The following NSD2 variants were observed in gnomAD, a reference collection of about 807,000 sequenced individuals.
The protein encoded by NSD2 is histone-lysine N-methyltransferase NSD2.
In NSD2, 12 loss-of-function variants were observed where a neutral mutation model predicts 139.0. That is an observed-to-expected ratio of 0.09 (90% CI 0.06 to 0.14). The LOEUF (loss-of-function observed/expected upper bound fraction) is 0.14, where lower values mean the gene tolerates loss of function less well. Among genes scored for constraint, NSD2 ranks in the 10% least tolerant of loss-of-function variants. The pLI is 1.00. For missense variants in NSD2, 1,155 were observed against 1,745.0 expected (o/e 0.66, Z 6.02); for synonymous variants, 669 against 648.7 (o/e 1.03, Z -0.48).
chr4:1,965,863 T>A (rs1228056842), intron 18 of NSD2, among the ~76,000 whole-genome samples: 1 of 152,220 alleles, frequency 6.6e-6, no homozygotes, highest in African/African-American at 2.4e-5. Context: ...TGAGATGGCA[T>A]GGAGGAAACC....
At position 1,940,295 on chromosome 4, in the gene NSD2, C is replaced by T. The variant is rs954913386; in HGVS notation, c.1881+517C>T. On this transcript the variant is annotated intron_variant, in intron 9 of 21. Transcript: ENST00000508803. ...GGCTTTGGTCCTTTAAATTCTGGCACATTTTTAGTTACTTGAGTGTTGAGG... is the reference window on the plus strand; with the variant it reads ...GGCTTTGGTCCTTTAAATTCTGGCATATTTTTAGTTACTTGAGTGTTGAGG... 5.6e-6 allele frequency: 6 copies of T among 1,072,920 alleles called. No homozygotes were observed. The African/African-American group carries it at 8.2e-5, about 15-fold the overall frequency. 66.5% of individuals were successfully genotyped at this position (1,072,920 alleles called of 1,614,324 possible). A position where few individuals can be genotyped will look rare whatever the true frequency, so the allele number is the denominator to read the frequency against.
rs1182659553 is a variant in NSD2 at position 1,958,389 on chromosome 4, G to A, written c.2985+353G>A. On this transcript the variant is annotated intron_variant, in intron 16 of 21. Coordinates refer to ENST00000508803, the MANE Select transcript of NSD2 (RefSeq NM_001042424.3). The surrounding 1 kb of genome is among the most constrained non-coding windows in gnomAD (Gnocchi z 4.6). Reference sequence around the variant, plus strand: ...GTCAGTCACATACGGCCAGGGCTCAGTGACTGAGCCCCAAACACGTAGATC... The same window carrying A: ...GTCAGTCACATACGGCCAGGGCTCAATGACTGAGCCCCAAACACGTAGATC... Among the ~76,000 whole-genome samples, 1 of 152,248 alleles carries A rather than the reference G, an allele frequency of 6.6e-6. No individual in the cohort carries two copies. The highest frequency in any genetic ancestry group is 1.5e-5 in the Non-Finnish European group (1 of 68,036).
At chr4:1,939,060 C>A (rs1344639829) in intron 8 of NSD2, among the ~76,000 whole-genome samples, 1 of 152,058 alleles carries the variant, frequency 6.6e-6, no homozygotes, top group Non-Finnish European at 1.5e-5. Flanking sequence ...CCTGTTTGAT[C>A]CCTTATTGAA....
chr4:1,917,211 T>C (rs1275594412), intron 4 of NSD2, among the ~76,000 whole-genome samples, 174 bp downstream of exon 4: 5 of 152,204 alleles, frequency 3.3e-5, no homozygotes, highest in African/African-American at 1.2e-4. Context: ...TAAAGTTCTT[T>C]TAGAGACACA....
At position 1,942,424 on chromosome 4, in the gene NSD2, C is replaced by CTGCT; in HGVS notation, c.1881+2647_1881+2650dup. The CTGCT allele has an allele frequency of 6.2e-7, 1 of 1,603,452 alleles. No homozygotes were observed. ...TAGAATGATGTAATATTCCAGGATG[C>CTGCT]TGCTGCAGGTGGCGTATCATCGTAC... On this transcript the variant is annotated intron_variant, in intron 9 of 21. Coordinates refer to ENST00000508803, the MANE Select transcript of NSD2 (RefSeq NM_001042424.3). This position sits in a 1 kb window ranked among gnomAD's most constrained non-coding sequence, Gnocchi z 4.0.
chr4:1,897,166 T>C (rs1425365503), intron 1 of NSD2, among the ~76,000 whole-genome samples: 1 of 91,184 alleles, frequency 1.1e-5, no homozygotes, highest in Non-Finnish European at 2.4e-5. Flanking sequence ...TGAGACTCTG[T>C]CTCAAAGGAA....
chr4:1,900,256 T>C (rs1716973012), intron 1 of NSD2, among the ~76,000 whole-genome samples: 1 of 152,218 alleles, frequency 6.6e-6, no homozygotes, highest in Non-Finnish European at 1.5e-5. Flanking sequence ...TCACACATAT[T>C]AGCTCTTTTA....
rs571622003 is a variant in NSD2, at chr4:1,891,836, G to A, written c.-29-8790G>A. ...CGCGCCATTGCACTCCAGCCTGGGC[G>A]ACAGAGGGAGACTCCATCTCAAAAA... On this transcript the variant is annotated intron_variant, in intron 1 of 21. Transcript: ENST00000508803. 1.2e-3 allele frequency among the ~76,000 whole-genome samples: 174 copies of A among 141,620 alleles called. 2 individuals carry two copies. Among genetic ancestry groups the A allele is most frequent in the African/African-American group, 4.4e-3 (166 of 38,146 alleles). 92.9% of individuals were successfully genotyped at this position (141,620 alleles called of 152,430 possible).
intron 9 of NSD2, chr4:1,940,931 G>T: frequency 9.5e-7 from 1 of 1,056,990 alleles, no homozygotes; most frequent in Non-Finnish European, 1.1e-6. Flanking sequence ...GGGATTTTCT[G>T]CAGGGACTCA....
rs1727554111 is a variant in NSD2 at position 1,979,641 on chromosome 4, T to TTGGGCCTACTTCTCACC, written c.*741_*757dup. On this transcript the variant is annotated 3_prime_UTR_variant, in exon 22 of 22. Coordinates refer to ENST00000508803, the MANE Select transcript of NSD2 (RefSeq NM_001042424.3). Reference sequence around the variant, plus strand: ...GGAGCACTTTCGAGGCCTGGCCGGGTTGGGCCTACTTCTCACCTGGGCCTA... The same window carrying TTGGGCCTACTTCTCACC: ...GGAGCACTTTCGAGGCCTGGCCGGGTTGGGCCTACTTCTCACCTGGGCCTACTTCTCACCTGGGCCTA... The TTGGGCCTACTTCTCACC allele has an allele frequency of 4.3e-6, 1 of 232,508 alleles. No homozygotes were observed. Among genetic ancestry groups the TTGGGCCTACTTCTCACC allele is most frequent in the Non-Finnish European group, 8.5e-6 (1 of 117,596 alleles). The allele number at this position is 232,508 out of a possible 1,614,324, so 14.4% of individuals were successfully genotyped here. A position where few individuals can be genotyped will look rare whatever the true frequency, so the allele number is the denominator to read the frequency against.
chr4:1,906,440 CA>C (rs2108764152), intron 3 of NSD2, among the ~76,000 whole-genome samples: 1 of 151,948 alleles, frequency 6.6e-6, no homozygotes, highest in South Asian at 2.1e-4. Context: ...GGGGTTTCAC[CA>C]TGTTGCCCAG....
At chr4:1,924,306 G>A (rs1304867104) in intron 5 of NSD2, among the ~76,000 whole-genome samples, 1 of 152,200 alleles carries the variant, frequency 6.6e-6, no homozygotes, top group Non-Finnish European at 1.5e-5. Context: ...GGCCTGCGCA[G>A]GGTTGGTGAG....
intron 2 of NSD2, among the ~76,000 whole-genome samples, 180 bp from the exon 3 acceptor site, chr4:1,904,034 TGA>T (rs1191651469): frequency 1.3e-5 from 2 of 152,064 alleles, no homozygotes; most frequent in Admixed American, 6.6e-5. Flanking sequence ...GCACCTGGCC[TGA>T]GAGACAAAAT....
At chr4:1,872,631 A>AGAGAGAGAGAGAGAGAGAGAGAGAGG (rs984225040) in intron 1 of NSD2, among the ~76,000 whole-genome samples, 5 of 133,312 alleles carry the variant, frequency 3.8e-5, no homozygotes, top group Non-Finnish European at 1.6e-5. Context: ...AGAGAGAGAG[A>AGAGAGAGAGAGAGAGAGAGAGAGAGG]GAGAGCGCGC....
In NSD2 at chr4:1,969,449, C is replaced by T. The variant is rs948360182; in HGVS notation, c.3373-5414C>T. On this transcript the variant is annotated intron_variant, in intron 18 of 21. Coordinates refer to ENST00000508803, the MANE Select transcript of NSD2 (RefSeq NM_001042424.3). The stretch of plus-strand genomic sequence containing the variant: ...GTGCAATGGCGTGTGCCTATAATCC[C>T]AGCACTTTGGGAGGCCGAGGCAGGA... 2.0e-5 allele frequency among the ~76,000 whole-genome samples: 3 copies of T among 152,110 alleles called. No homozygotes were observed. In the East Asian group the frequency reaches 5.8e-4, roughly 29 times the overall value.
At chr4:1,935,345 C>A in intron 7 of NSD2, 83 bp downstream of exon 7, 1 of 1,038,922 alleles carries the variant, frequency 9.6e-7, no homozygotes, top group Non-Finnish European at 1.5e-6. Flanking sequence ...CATGGGAGCA[C>A]ACATGAGATG....
chr4:1,933,252 G>T (rs1721889516), intron 6 of NSD2, among the ~76,000 whole-genome samples: 1 of 152,246 alleles, frequency 6.6e-6, no homozygotes, highest in South Asian at 2.1e-4. Context: ...GCAGGGCACG[G>T]ACACTTACTT....
At chr4:1,963,903 C>A (rs1368726026) in intron 18 of NSD2, among the ~76,000 whole-genome samples, 1 of 152,160 alleles carries the variant, frequency 6.6e-6, no homozygotes, top group African/African-American at 2.4e-5. Context: ...GAGGCTGAGG[C>A]AGGAGGACTG....
Position 1,926,558 on chromosome 4 carries a change from C to T in NSD2, c.1411-4068C>T, listed in dbSNP as rs551912091. The stretch of plus-strand genomic sequence containing the variant: ...CAATCACAGCTCACTGCAACCTCCG[C>T]CTTCCGGGTTCAAGCGATCCTCCCC... On this transcript the variant is annotated intron_variant, in intron 5 of 21. Transcript: ENST00000508803. Among the ~76,000 whole-genome samples, 514 of 151,796 alleles carry T rather than the reference C, an allele frequency of 3.4e-3. 4 individuals carry two copies. The highest frequency in any genetic ancestry group is 0.012 in the African/African-American group (479 of 41,364).
Sources: gnomAD v4.1 joint callset for allele counts (sites outside exome capture counted in the v4.1 genomes callset) on GRCh38, gnomAD v4.1.1 for gene constraint, Gnocchi (gnomAD v3.1) non-coding constraint, MANE v1.5 for transcripts, NCBI Gene and HGNC (gene_info 2026-07-23, HGNC 2026-07-21) for gene names.